The following PTH2R variants were observed in gnomAD, a reference collection of about 807,000 sequenced individuals.
PTH2R encodes PTH2 receptor.
PTH2R carries 59 observed loss-of-function variants against 60.3 expected under a neutral mutation model. That is an observed-to-expected ratio of 0.98 (90% CI 0.79 to 1.22). The LOEUF (loss-of-function observed/expected upper bound fraction) is 1.22. Ranked by LOEUF, PTH2R falls within the 50% of genes most tolerant of loss-of-function variation. PTH2R has a pLI of 0.00. For synonymous variants in PTH2R, 256 were observed against 243.8 expected, an observed-to-expected ratio of 1.05 and a Z score of -0.47; for missense variants, 749 against 682.6, an observed-to-expected ratio of 1.10 and a Z score of -1.08.
chr2:208,489,272 G>A, intron 11 of PTH2R, 122 bp downstream of exon 11: 3 of 1,196,220 alleles, frequency 2.5e-6, no homozygotes, highest in East Asian at 2.4e-5. Context: ...GGAGTTGGGG[G>A]GTGCAGAAAG....
intron 9 of PTH2R, among the ~76,000 whole-genome samples, chr2:208,462,445 C>T (rs1344100332): frequency 1.3e-5 from 2 of 152,114 alleles, no homozygotes; most frequent in African/African-American, 2.4e-5. Flanking sequence ...ATGTGGAAGG[C>T]CTGTGTGGAT....
At chr2:208,429,482 G>T (rs1218914097) in intron 2 of PTH2R, among the ~76,000 whole-genome samples, 2 of 151,966 alleles carry the variant, frequency 1.3e-5, no homozygotes, top group African/African-American at 4.8e-5. Flanking sequence ...TTATCTCTAG[G>T]ATACTTGTCC....
In PTH2R at chr2:208,493,882, C is replaced by T; in HGVS notation, c.*223C>T. 1 of 411,980 alleles carries T rather than the reference C, an allele frequency of 2.4e-6. No individual in the cohort carries two copies. Among genetic ancestry groups the T allele is most frequent in the Non-Finnish European group, 4.3e-6 (1 of 235,196 alleles). The allele number at this position is 411,980 out of a possible 1,614,324, so 25.5% of individuals were successfully genotyped here. A position where few individuals can be genotyped will look rare whatever the true frequency, so the allele number is the denominator to read the frequency against. On this transcript the variant is annotated 3_prime_UTR_variant, in exon 13 of 13. Coordinates refer to ENST00000272847, the MANE Select transcript of PTH2R (RefSeq NM_005048.4). ...TACCTTCTATTGGCATCAAGTTTTC[C>T]TCTAAATTAATGTATGGTATTTGCT...
upstream of PTH2R, chr2:208,406,741 G>A (rs1448260975): frequency 1.8e-5 from 5 of 275,422 alleles, no homozygotes; most frequent in African/African-American, 8.8e-5. Flanking sequence ...CGCCTGGGGC[G>A]GGAGCCGCCC....
intron 10 of PTH2R, among the ~76,000 whole-genome samples, chr2:208,484,430 G>T (rs953451936): frequency 6.6e-6 from 1 of 152,152 alleles, no homozygotes; most frequent in African/African-American, 2.4e-5. Flanking sequence ...TCCCTCAATG[G>T]TGGCATAGTG....
intron 11 of PTH2R, among the ~76,000 whole-genome samples, chr2:208,490,407 C>T (rs1413554899): frequency 6.6e-6 from 1 of 152,030 alleles, no homozygotes; most frequent in Non-Finnish European, 1.5e-5. Context: ...CCTTGTGTAT[C>T]TTGGAATGCT....
intron 8 of PTH2R, among the ~76,000 whole-genome samples, chr2:208,456,733 TAGA>T (rs1702521953): frequency 6.6e-6 from 1 of 152,186 alleles, no homozygotes; most frequent in Non-Finnish European, 1.5e-5. Context: ...CTGCATTTCC[TAGA>T]AGGTTAAAGT....
intron 1 of PTH2R, among the ~76,000 whole-genome samples, chr2:208,388,132 A>ATC (rs377227586): frequency 7.6e-6 from 1 of 131,352 alleles, no homozygotes. Context: ...ACATGGTGAA[A>ATC]CCCCCCCCCC....
chr2:208,464,569 T>C (rs1250571617), intron 9 of PTH2R, among the ~76,000 whole-genome samples: 1 of 152,188 alleles, frequency 6.6e-6, no homozygotes, highest in Non-Finnish European at 1.5e-5. Context: ...ATGCCAAATG[T>C]GTCGCAGTAG....
chr2:208,364,855 A>C (rs1458048903), intron 1 of PTH2R, among the ~76,000 whole-genome samples: 1 of 148,270 alleles, frequency 6.7e-6, no homozygotes, highest in Non-Finnish European at 1.5e-5. Context: ...AATGTTTTAT[A>C]GTTTTCATTA....
At chr2:208,368,079 A>G (rs1700627842) in intron 1 of PTH2R, among the ~76,000 whole-genome samples, 1 of 152,146 alleles carries the variant, frequency 6.6e-6, no homozygotes, top group African/African-American at 2.4e-5. Context: ...TGGATTCCCA[A>G]TTTTGCTGCC....
At chr2:208,492,235 T>C (rs916230524) in intron 12 of PTH2R, among the ~76,000 whole-genome samples, 2 of 152,254 alleles carry the variant, frequency 1.3e-5, no homozygotes, top group Non-Finnish European at 2.9e-5. Flanking sequence ...AGGCTGCCGA[T>C]GCAGATTGAT....
At chr2:208,400,002 T>C (rs1323124407) in intron 1 of PTH2R, among the ~76,000 whole-genome samples, 1 of 152,188 alleles carries the variant, frequency 6.6e-6, no homozygotes, top group African/African-American at 2.4e-5. Flanking sequence ...TCTGGGGCCT[T>C]ACCCCTTCAT....
chr2:208,452,614 A>G (rs1411178155), intron 8 of PTH2R, among the ~76,000 whole-genome samples: 2 of 152,116 alleles, frequency 1.3e-5, no homozygotes, highest in Non-Finnish European at 2.9e-5. Flanking sequence ...CCAGATTAGG[A>G]TGTTTGGTCT....
intron 9 of PTH2R, among the ~76,000 whole-genome samples, chr2:208,471,784 A>ATGG (rs1702887138): frequency 1.3e-5 from 2 of 152,200 alleles, no homozygotes; most frequent in African/African-American, 4.8e-5. Flanking sequence ...CTCCACCAAC[A>ATGG]ACTTGCACCA....
intron 9 of PTH2R, among the ~76,000 whole-genome samples, chr2:208,471,893 C>T (rs1309662200): frequency 1.3e-5 from 2 of 152,230 alleles, no homozygotes; most frequent in Admixed American, 6.5e-5. Flanking sequence ...TGCCCAAGGC[C>T]ATTGGAGCTT....
chr2:208,395,331 C>A (rs1281151759), intron 1 of PTH2R, among the ~76,000 whole-genome samples: 1 of 152,122 alleles, frequency 6.6e-6, no homozygotes. Context: ...CAGGCATGAA[C>A]CACCACGCCC....
chr2:208,435,870 A>G (rs946175053), intron 2 of PTH2R, among the ~76,000 whole-genome samples: 1 of 152,204 alleles, frequency 6.6e-6, no homozygotes, highest in Non-Finnish European at 1.5e-5. Context: ...GTTTGTGGTA[A>G]TCTGTTACAG....
At chr2:208,388,556 G>A (rs909295216) in intron 1 of PTH2R, among the ~76,000 whole-genome samples, 4 of 152,088 alleles carry the variant, frequency 2.6e-5, no homozygotes, top group Non-Finnish European at 4.4e-5. Flanking sequence ...CTTATACTCT[G>A]TGTTGGTAAA....
Sources: gnomAD v4.1 joint callset for allele counts (sites outside exome capture counted in the v4.1 genomes callset) on GRCh38, gnomAD v4.1.1 for gene constraint, MANE v1.5 for transcripts, NCBI Gene and HGNC (gene_info 2026-07-23, HGNC 2026-07-21) for gene names.